The following ADAMTS16 variants were observed in gnomAD, a reference collection of about 807,000 sequenced individuals.
ADAMTS16 encodes A disintegrin and metalloproteinase with thrombospondin motifs 16.
ADAMTS16 carries 94 observed loss-of-function variants against 145.8 expected under a neutral mutation model. The ratio of observed to expected loss-of-function variants is 0.64; its 90% CI spans 0.55 to 0.77. The LOEUF is 0.77. ADAMTS16 is among the 30% of genes least tolerant of loss of function. ADAMTS16 has a pLI of 0.00. For missense variants in ADAMTS16, 1,585 were observed against 1,591.5 expected, an observed-to-expected ratio of 1.00 and a Z score of 0.07; for synonymous variants, 659 against 604.3, an observed-to-expected ratio of 1.09 and a Z score of -1.33.
At chr5:5,296,785 G>T (rs898507524) in intron 18 of ADAMTS16, among the ~76,000 whole-genome samples, 8 of 152,142 alleles carry the variant, frequency 5.3e-5, no homozygotes, top group Non-Finnish European at 7.3e-5. Context: ...AAAGAGGAGG[G>T]AGTTACCTCT....
At chr5:5,166,276 T>TACAC (rs1014272740) in intron 3 of ADAMTS16, among the ~76,000 whole-genome samples, 1 of 150,442 alleles carries the variant, frequency 6.6e-6, no homozygotes, top group Non-Finnish European at 1.5e-5. Context: ...CACACATACA[T>TACAC]ACACACACAC....
intron 3 of ADAMTS16, among the ~76,000 whole-genome samples, chr5:5,155,542 TA>T (rs1254050329): frequency 6.6e-6 from 1 of 152,076 alleles, no homozygotes; most frequent in Non-Finnish European, 1.5e-5. Flanking sequence ...CTGAAGAAAC[TA>T]AGGGGAGAGT....
rs759931271 is a variant in ADAMTS16 at position 5,146,191 on chromosome 5, C to T, written c.237C>T (p.Ile79=). The change falls in exon 3 of 23, where the codon ATC becomes ATT. Residue 79 remains isoleucine, a synonymous_variant. Transcript: ENST00000274181. ...DHRGDYVSHE[I]MHHQRRRRAV... is the part of the protein sequence containing the mutation. ...GGGGCGATTACGTGTCCCATGAAAT[C>T]ATGCACCATCAGCGGCGGAGAAGAG... 3 of 1,614,090 alleles carry T rather than the reference C, an allele frequency of 1.9e-6. No homozygotes were observed. Among genetic ancestry groups the T allele is most frequent in the Non-Finnish European group, 2.5e-6 (3 of 1,180,048 alleles).
intron 17 of ADAMTS16, among the ~76,000 whole-genome samples, chr5:5,245,474 T>C (rs1349713729): frequency 6.6e-6 from 1 of 152,202 alleles, no homozygotes; most frequent in Non-Finnish European, 1.5e-5. Flanking sequence ...AAAGTATAGA[T>C]GGTATTTTCC....
chr5:5,147,540 T>C (rs770146090), intron 3 of ADAMTS16, among the ~76,000 whole-genome samples: 5 of 152,180 alleles, frequency 3.3e-5, no homozygotes, highest in Non-Finnish European at 7.3e-5. Context: ...AACATTCTGC[T>C]TTTTAGAGAA....
chr5:5,140,904 T>C (rs2126493203), intron 2 of ADAMTS16, 138 bp downstream of exon 2: 2 of 868,606 alleles, frequency 2.3e-6, no homozygotes, highest in Non-Finnish European at 3.3e-6. Flanking sequence ...AACTTTTTTT[T>C]TTTTTAACTG....
At chr5:5,148,394 C>T (rs374890940) in intron 3 of ADAMTS16, among the ~76,000 whole-genome samples, 1 of 152,214 alleles carries the variant, frequency 6.6e-6, no homozygotes, top group Non-Finnish European at 1.5e-5. Flanking sequence ...GCAGGAAATG[C>T]TCTATATTCC....
chr5:5,222,297 G>A (rs1421839340), intron 10 of ADAMTS16, among the ~76,000 whole-genome samples: 1 of 148,410 alleles, frequency 6.7e-6, no homozygotes, highest in African/African-American at 2.5e-5. Context: ...CAGATTTGGG[G>A]ATGGTGGATG....
chr5:5,228,024 G>T (rs1414166598), intron 11 of ADAMTS16, among the ~76,000 whole-genome samples: 1 of 152,164 alleles, frequency 6.6e-6, no homozygotes, highest in Admixed American at 6.5e-5. Flanking sequence ...ATTTATCAAA[G>T]AAAAGGAAAT....
At chr5:5,198,428 T>C (rs2126588111) in intron 8 of ADAMTS16, among the ~76,000 whole-genome samples, 2 of 152,300 alleles carry the variant, frequency 1.3e-5, no homozygotes, top group South Asian at 4.2e-4. Flanking sequence ...TCAGCAGTAT[T>C]TGCACGCCAG....
intron 3 of ADAMTS16, among the ~76,000 whole-genome samples, chr5:5,162,861 A>C (rs1734778843): frequency 6.6e-6 from 1 of 152,214 alleles, no homozygotes; most frequent in Admixed American, 6.5e-5. Flanking sequence ...AACTAATTGA[A>C]AGAAGCCTAC....
At chr5:5,145,698 T>G (rs1037086396) in intron 2 of ADAMTS16, among the ~76,000 whole-genome samples, 3 of 152,258 alleles carry the variant, frequency 2.0e-5, no homozygotes, top group African/African-American at 7.2e-5. Context: ...ATAATTTGAT[T>G]TCTTAAAGAG....
chr5:5,239,662 C>G lies in ADAMTS16; in HGVS notation c.2279-19C>G. On this transcript the variant is annotated intron_variant, in intron 15 of 22. Transcript: ENST00000274181. ...TTTCTGGAATGAAAAGCTGTATCTT[C>G]CCCATTTCCTTTATCTAGAGTATTA... 6.2e-7 allele frequency: 1 copy of G among 1,610,564 alleles called. No homozygotes were observed. The highest frequency in any genetic ancestry group is 1.1e-5 in the South Asian group (1 of 90,988).
At chr5:5,280,023 T>C (rs1738843739) in intron 18 of ADAMTS16, among the ~76,000 whole-genome samples, 1 of 152,168 alleles carries the variant, frequency 6.6e-6, no homozygotes, top group Non-Finnish European at 1.5e-5. Flanking sequence ...CTTCTCTTTG[T>C]CTTCTGTAAA....
chr5:5,288,544 C>T (rs947287101), intron 18 of ADAMTS16, among the ~76,000 whole-genome samples: 3 of 151,988 alleles, frequency 2.0e-5, no homozygotes, highest in South Asian at 4.2e-4. Context: ...AAAACTTCTC[C>T]GAGTAGATAA....
intron 3 of ADAMTS16, among the ~76,000 whole-genome samples, chr5:5,174,107 T>C (rs1263334661): frequency 6.6e-6 from 1 of 152,248 alleles, no homozygotes; most frequent in Admixed American, 6.5e-5. Flanking sequence ...TGAAGAATTC[T>C]CTTTATCATT....
In ADAMTS16 at chr5:5,209,156, G is replaced by T. The variant is rs764997240; in HGVS notation, c.1515G>T (p.Glu505Asp). 4 of 1,614,054 alleles carry T rather than the reference G, an allele frequency of 2.5e-6. No individual in the cohort carries two copies. Among genetic ancestry groups the T allele is most frequent in the Non-Finnish European group, 3.4e-6 (4 of 1,179,928 alleles). The change falls in exon 10 of 23, where the codon GAG (glutamate) becomes GAT (aspartate). Residue 505 changes from glutamate to aspartate, a missense_variant. Physicochemically the swap from Glu to Asp is conservative, Grantham distance 45. Around this residue, in one of 3 missense-constraint regions of ADAMTS16, gnomAD observed 298 missense variants for 367.6 expected, o/e 0.81. Transcript: ENST00000274181. ...PKPVKEYKYP[E>D]KLPGELYDAN... ...CTGTGAAGGAATACAAGTATCCTGA[G>T]AAATTGCCAGGAGAATTATATGATG...
chr5:5,305,914 C>T (rs1740131670), intron 20 of ADAMTS16, among the ~76,000 whole-genome samples: 1 of 152,246 alleles, frequency 6.6e-6, no homozygotes, highest in Non-Finnish European at 1.5e-5. Flanking sequence ...CAGCCTCCTG[C>T]CTGGCCTGCT....
At chr5:5,293,650 C>T (rs1047827484) in intron 18 of ADAMTS16, among the ~76,000 whole-genome samples, 1 of 152,170 alleles carries the variant, frequency 6.6e-6, no homozygotes, top group African/African-American at 2.4e-5. Context: ...TTCCAGTGTG[C>T]TTGCAGTGAG....
Sources: allele counts gnomAD v4.1 joint callset (sites outside exome capture counted in the v4.1 genomes callset), GRCh38; gene constraint gnomAD v4.1.1; regional missense constraint gnomAD v4.1.1; transcripts MANE v1.5; gene names NCBI Gene and HGNC (gene_info 2026-07-23, HGNC 2026-07-21).